CNTNAP2: variants seen among roughly 807,000 people sequenced by gnomAD.
CNTNAP2 encodes contactin-associated protein-like 2.
Under a neutral mutation model 155.2 loss-of-function variants are expected in CNTNAP2, and 98 were observed. The ratio of observed to expected loss-of-function variants is 0.63; its 90% confidence interval spans 0.54 to 0.75. The LOEUF is 0.75. CNTNAP2 is among the 30% of genes least tolerant of loss of function. CNTNAP2 has a pLI of 0.00. For missense variants in CNTNAP2, 1,727 were observed against 1,688.1 expected (o/e 1.02, Z -0.40); for synonymous variants, 651 against 631.2 (o/e 1.03, Z -0.47).
chr7:146,588,309 ACTT>A (rs1444576033), intron 1 of CNTNAP2, among the ~76,000 whole-genome samples: 12 of 152,276 alleles, frequency 7.9e-5, no homozygotes, highest in East Asian at 1.9e-4. Flanking sequence ...AGAGAGCAGC[ACTT>A]CTTCTTTAGT....
intron 1 of CNTNAP2, among the ~76,000 whole-genome samples, chr7:146,314,192 C>T (rs1044331971): frequency 3.3e-5 from 5 of 152,138 alleles, no homozygotes; most frequent in African/African-American, 1.2e-4. Flanking sequence ...AGCTTATTTT[C>T]TGGGCTTTCT....
chr7:146,424,789 A>C (rs1435887084), intron 1 of CNTNAP2, among the ~76,000 whole-genome samples: 1 of 152,202 alleles, frequency 6.6e-6, no homozygotes. Flanking sequence ...TAAAAACAGC[A>C]GAAAAGAGAT....
chr7:147,165,244 C>T (rs1305812201), intron 8 of CNTNAP2, among the ~76,000 whole-genome samples: 1 of 151,966 alleles, frequency 6.6e-6, no homozygotes, highest in Non-Finnish European at 1.5e-5. Context: ...CTTCCCTGAT[C>T]ATTAGTGACA....
At chr7:146,191,580 T>C (rs1798706029) in intron 1 of CNTNAP2, among the ~76,000 whole-genome samples, 1 of 152,154 alleles carries the variant, frequency 6.6e-6, no homozygotes, top group Admixed American at 6.5e-5. Context: ...AGACCAGGGC[T>C]TATTTCATCC....
intron 1 of CNTNAP2, among the ~76,000 whole-genome samples, chr7:146,721,500 A>G (rs1315042432): frequency 7.7e-6 from 1 of 129,648 alleles, no homozygotes; most frequent in Non-Finnish European, 1.5e-5. Flanking sequence ...CATTCTATAT[A>G]TATTCTATAT....
At chr7:147,488,309 A>G (rs1442422201) in intron 11 of CNTNAP2, among the ~76,000 whole-genome samples, 1 of 152,210 alleles carries the variant, frequency 6.6e-6, no homozygotes, top group Non-Finnish European at 1.5e-5. Flanking sequence ...GTCTGACGCT[A>G]GCTATAAAAC....
chr7:147,393,673 T>C (rs1203216278), intron 9 of CNTNAP2, among the ~76,000 whole-genome samples: 1 of 151,960 alleles, frequency 6.6e-6, no homozygotes, highest in Non-Finnish European at 1.5e-5. Flanking sequence ...AGCATTTTTC[T>C]GAAGGGACTA....
intron 12 of CNTNAP2, among the ~76,000 whole-genome samples, chr7:147,600,681 C>T (rs1800926080): frequency 6.6e-6 from 1 of 152,096 alleles, no homozygotes; most frequent in Non-Finnish European, 1.5e-5. Flanking sequence ...CCTTTTCTGG[C>T]ATAGAGGACA....
At chr7:148,268,436 G>A (rs1427410863) in intron 21 of CNTNAP2, among the ~76,000 whole-genome samples, 3 of 152,016 alleles carry the variant, frequency 2.0e-5, no homozygotes, top group East Asian at 3.9e-4. Context: ...GGCAGATCAC[G>A]AGGTCAGGAG....
At chr7:146,426,623 TA>T (rs34609020) in intron 1 of CNTNAP2, among the ~76,000 whole-genome samples, 250 of 130,132 alleles carry the variant, frequency 1.9e-3, no homozygotes, top group Middle Eastern at 8.1e-3. Flanking sequence ...ATAACACCTT[TA>T]AAAAAAAAAA....
rs1794859424 is a variant in CNTNAP2 at position 148,173,163 on chromosome 7, T to C, written c.3010+685T>C. ...CAATGAGCAGAGTACAAGAGCCCAATGCATATGCATGTTATCATTTGAACT... is the reference window on the plus strand; with the variant it reads ...CAATGAGCAGAGTACAAGAGCCCAACGCATATGCATGTTATCATTTGAACT... On this transcript the variant is annotated intron_variant, in intron 18 of 23. Coordinates refer to ENST00000361727, the MANE Select transcript of CNTNAP2 (RefSeq NM_014141.6). Among the ~76,000 whole-genome samples, 4 of 151,358 alleles carry C rather than the reference T, an allele frequency of 2.6e-5. No homozygotes were observed. In the South Asian group the frequency reaches 8.3e-4, roughly 31 times the overall value.
In CNTNAP2 at chr7:147,974,945, A is replaced by C. The variant is rs1801400547; in HGVS notation, c.2256-2917A>C. On this transcript the variant is annotated intron_variant, in intron 14 of 23. Transcript: ENST00000361727. ...GAATATTCATTCTTATTGTTGTATT[A>C]TATTTTATTTATATAATACAATCTT... Among the ~76,000 whole-genome samples the C allele has an allele frequency of 3.3e-5, 5 of 151,494 alleles. No individual in the cohort carries two copies. The South Asian group carries it at 1.0e-3, about 31-fold the overall frequency.
chr7:147,395,892 G>T (rs754291167), intron 10 of CNTNAP2, 112 bp downstream of exon 10: 119 of 1,205,524 alleles, frequency 9.9e-5, no homozygotes, highest in Non-Finnish European at 1.4e-4. Context: ...AACAGGTAAG[G>T]TGGAAATTAC....
chr7:147,016,343 C>G (rs747335426), intron 3 of CNTNAP2, among the ~76,000 whole-genome samples: 2 of 152,022 alleles, frequency 1.3e-5, no homozygotes, highest in Non-Finnish European at 2.9e-5. Context: ...CAGGAAATCT[C>G]AAACGGCAAA....
chr7:148,172,318 G>C lies in CNTNAP2; in HGVS notation c.2850G>C (p.Glu950Asp). The C allele has an allele frequency of 6.2e-7, 1 of 1,614,186 alleles. No individual in the cohort carries two copies. The highest frequency in any genetic ancestry group is 8.5e-7 in the Non-Finnish European group (1 of 1,180,040). ...TGAATGGGGTGACACTTGACCTGGA[G>C]GAAAGAGCAAAGGTCACATCTGGGT... is the stretch of plus-strand genomic sequence containing the variant. ...LRMNGVTLDL[E>D]ERAKVTSGFI... is the part of the protein sequence containing the mutation. The change falls in exon 18 of 24, where the codon GAG becomes GAC. Residue 950 changes from glutamate to aspartate, a missense_variant. By Grantham distance (45) the Glu-to-Asp change is conservative (BLOSUM62 2). Transcript: ENST00000361727.
intron 3 of CNTNAP2, among the ~76,000 whole-genome samples, chr7:146,971,026 A>T (rs1004352335): frequency 1.3e-5 from 2 of 152,178 alleles, no homozygotes; most frequent in Non-Finnish European, 2.9e-5. Flanking sequence ...ACACATGGAC[A>T]CAGGAAGGGG....
At chr7:147,972,640 C>A (rs1585055400) in intron 14 of CNTNAP2, among the ~76,000 whole-genome samples, 1 of 152,214 alleles carries the variant, frequency 6.6e-6, no homozygotes, top group Admixed American at 6.5e-5. Flanking sequence ...ATGGAAATAG[C>A]ATGTAAGAGT....
intron 8 of CNTNAP2, among the ~76,000 whole-genome samples, chr7:147,149,457 T>C (rs1370984753): frequency 6.6e-6 from 1 of 152,180 alleles, no homozygotes. Flanking sequence ...CATATCACTA[T>C]TCAATGAATA....
chr7:146,497,091 T>C (rs1458325767), intron 1 of CNTNAP2, among the ~76,000 whole-genome samples: 1 of 152,180 alleles, frequency 6.6e-6, no homozygotes, highest in East Asian at 1.9e-4. Flanking sequence ...AAACTGAGGC[T>C]CAGAGTGAAC....
Sources: gnomAD v4.1 joint callset for allele counts (sites outside exome capture counted in the v4.1 genomes callset) on GRCh38, gnomAD v4.1.1 for gene constraint, MANE v1.5 for transcripts, NCBI Gene and HGNC (gene_info 2026-07-23, HGNC 2026-07-21) for gene names.